Variants in TIMM21 observed in about 807,000 individuals in gnomAD.
The protein encoded by TIMM21 is translocase of inner mitochondrial membrane 21.
TIMM21 carries 30 observed loss-of-function variants against 27.7 expected under a neutral mutation model. That is an observed-to-expected ratio of 1.08 (90% CI 0.81 to 1.47). The LOEUF (loss-of-function observed/expected upper bound fraction) is 1.47, where lower values mean the gene tolerates loss of function less well. Ranked by LOEUF, TIMM21 falls within the 40% of genes most tolerant of loss-of-function variation. TIMM21 has a pLI of 0.00. For synonymous variants in TIMM21, 121 were observed against 114.4 expected (o/e 1.06, Z -0.37); for missense variants, 292 against 302.9 (o/e 0.96, Z 0.27).
chr18:74,157,335 A>G (rs1268717789), intron 3 of TIMM21: 1 of 152,224 alleles, frequency 6.6e-6, no homozygotes, highest in Admixed American at 6.5e-5. Flanking sequence ...TTCATTAAAA[A>G]TGTTCATACA....
chr18:74,155,432 C>T, intron 3 of TIMM21, 29 bp downstream of exon 3: 1 of 1,564,134 alleles, frequency 6.4e-7, no homozygotes, highest in Non-Finnish European at 8.7e-7. Context: ...GTTACATGAA[C>T]TCTGATGAGG....
Position 74,158,365 on chromosome 18 carries a change from A to T in TIMM21, c.643-11A>T, listed in dbSNP as rs1191742268. ...GGAAAATAATACCTGGAAACACTAC[A>T]TTTTTTTCAGAACCCAGGAAGTGGT... On this transcript the variant is annotated splice_polypyrimidine_tract_variant and intron_variant, in intron 5 of 5. Coordinates refer to ENST00000169551, the MANE Select transcript of TIMM21 (RefSeq NM_014177.3). 3 of 1,606,382 alleles carry T rather than the reference A, an allele frequency of 1.9e-6. No individual in the cohort carries two copies. Among genetic ancestry groups the T allele is most frequent in the Non-Finnish European group, 2.6e-6 (3 of 1,175,132 alleles).
rs142144058 is a variant in TIMM21, at chr18:74,150,106, A to G, written c.301+997A>G. Among the ~76,000 whole-genome samples, 689 of 152,316 alleles carry G rather than the reference A, an allele frequency of 4.5e-3. 7 individuals are homozygous for G. Among genetic ancestry groups the G allele is most frequent in the Middle Eastern group, 0.031 (9 of 294 alleles). On this transcript the variant is annotated intron_variant, in intron 1 of 5. Coordinates refer to ENST00000169551, the MANE Select transcript of TIMM21 (RefSeq NM_014177.3). ...CAGTGTAGCCCCACGAGGTCGGCTC[A>G]TGTGTTGATGAGCCTCTGCATCTTT...
In TIMM21 at chr18:74,158,191, A is replaced by G. The variant is rs752258836; in HGVS notation, c.557A>G (p.Asp186Gly). Reference sequence around the variant, plus strand: ...GACAGGTTCACTGAATATGTAAAAGATGGGCTGAAACACACGTGTGTGAAA... The same window carrying G: ...GACAGGTTCACTGAATATGTAAAAGGTGGGCTGAAACACACGTGTGTGAAA... The part of the protein sequence containing the change: ...QHVRFTEYVK[D>G]GLKHTCVKFY... Residue 186 changes from aspartate to glycine, a missense_variant, in exon 5 of 6, where the codon GAT becomes GGT. Physicochemically the swap from Asp to Gly is moderately conservative, Grantham distance 94. Transcript: ENST00000169551. The G allele has an allele frequency of 6.2e-7, 1 of 1,614,170 alleles. No homozygotes were observed. The highest frequency in any genetic ancestry group is 8.5e-7 in the Non-Finnish European group (1 of 1,180,032).
rs1980071179 is a variant in TIMM21, at chr18:74,160,480, T to G, written c.*2000T>G. On this transcript the variant is annotated 3_prime_UTR_variant, in exon 6 of 6. Coordinates refer to ENST00000169551, the MANE Select transcript of TIMM21 (RefSeq NM_014177.3). ...AGATCTCTGTTTTCATTCCCTCTGA[T>G]GTACCCTACTAAATGTTAAAATTTC... 1 of 152,242 alleles carries G rather than the reference T, an allele frequency of 6.6e-6. No individual in the cohort carries two copies. The highest frequency in any genetic ancestry group is 2.4e-5 in the African/African-American group (1 of 41,466). The allele number at this position is 152,242 out of a possible 1,614,324, so 9.4% of individuals were successfully genotyped here. A position where few individuals can be genotyped will look rare whatever the true frequency, so the allele number is the denominator to read the frequency against.
chr18:74,157,581 A>G (rs1979983428), intron 3 of TIMM21: 1 of 155,586 alleles, frequency 6.4e-6, no homozygotes, highest in African/African-American at 2.4e-5. Flanking sequence ...TGGAGTGGTC[A>G]TTTTTTTATT....
intron 1 of TIMM21, among the ~76,000 whole-genome samples, chr18:74,151,625 C>A (rs1259101659): frequency 6.6e-6 from 1 of 152,140 alleles, no homozygotes; most frequent in Non-Finnish European, 1.5e-5. Flanking sequence ...TCCTCCTGTC[C>A]CTCCTAAGAA....
intron 1 of TIMM21, among the ~76,000 whole-genome samples, chr18:74,153,695 C>A (rs1163443670): frequency 6.6e-6 from 1 of 152,202 alleles, no homozygotes. Flanking sequence ...GGGAACCTTG[C>A]TGAAAACTTG....
chr18:74,156,086 A>G (rs977592768), intron 3 of TIMM21, among the ~76,000 whole-genome samples: 16 of 152,318 alleles, frequency 1.1e-4, no homozygotes, highest in African/African-American at 3.1e-4. Context: ...CCTTCCAGTC[A>G]CACGTAGCCG....
In TIMM21 at chr18:74,151,015, A is replaced by T. The variant is rs908637700; in HGVS notation, c.301+1906A>T. On this transcript the variant is annotated intron_variant, in intron 1 of 5. Transcript: ENST00000169551. ...TACTCAGTACATCCCCTTGATTTAT[A>T]CATTTGGAAATCACAGAAATTATTG... Among the ~76,000 whole-genome samples the T allele has an allele frequency of 3.3e-5, 5 of 152,302 alleles. No individual in the cohort carries two copies. In the South Asian group the frequency reaches 1.0e-3, roughly 32 times the overall value.
chr18:74,158,572 A>T lies in TIMM21; in HGVS notation c.*92A>T, dbSNP rs555560782. The T allele has an allele frequency of 2.6e-6, 2 of 779,848 alleles. No individual in the cohort carries two copies. The highest frequency in any genetic ancestry group is 1.6e-5 in the South Asian group (1 of 63,842). 48.3% of individuals were successfully genotyped at this position (779,848 alleles called of 1,614,324 possible). A position where few individuals can be genotyped will look rare whatever the true frequency, so the allele number is the denominator to read the frequency against. ...GAATGTGTTCAAAAGAAAGACAAGAAGGAGTGTATGGCTTATAAAGTGAAT... is the reference window on the plus strand; with the variant it reads ...GAATGTGTTCAAAAGAAAGACAAGATGGAGTGTATGGCTTATAAAGTGAAT... On this transcript the variant is annotated 3_prime_UTR_variant, in exon 6 of 6. Transcript: ENST00000169551.
chr18:74,150,124 G>C lies in TIMM21; in HGVS notation c.301+1015G>C, dbSNP rs962510608. Among the ~76,000 whole-genome samples the C allele has an allele frequency of 1.3e-5, 2 of 152,298 alleles. 1 individual carries two copies. The highest frequency in any genetic ancestry group is 6.8e-3 in the Middle Eastern group (2 of 294). Reference sequence around the variant, plus strand: ...TCGGCTCATGTGTTGATGAGCCTCTGCATCTTTGTTGGACCCACCTCTCAC... The same window carrying C: ...TCGGCTCATGTGTTGATGAGCCTCTCCATCTTTGTTGGACCCACCTCTCAC... On this transcript the variant is annotated intron_variant, in intron 1 of 5. Transcript: ENST00000169551.
intron 1 of TIMM21, among the ~76,000 whole-genome samples, chr18:74,153,490 A>G (rs550052611): frequency 2.0e-5 from 3 of 152,248 alleles, no homozygotes; most frequent in African/African-American, 4.8e-5. Flanking sequence ...GAGTTGATAC[A>G]TAACTGGCAG....
chr18:74,158,325 T>TTTAAG, intron 5 of TIMM21, 49 bp downstream of exon 5: 1 of 1,610,206 alleles, frequency 6.2e-7, no homozygotes, highest in Non-Finnish European at 8.5e-7. Context: ...CGCGGTGTTA[T>TTTAAG]TTAAGTTCTG....
At position 74,159,230 on chromosome 18, in the gene TIMM21, A is replaced by G. The variant is rs1420173973; in HGVS notation, c.*750A>G. 6.6e-6 allele frequency: 1 copy of G among 151,868 alleles called. No homozygotes were observed. The highest frequency in any genetic ancestry group is 6.6e-5 in the Admixed American group (1 of 15,212). The allele number at this position is 151,868 out of a possible 1,614,324, so 9.4% of individuals were successfully genotyped here. A position where few individuals can be genotyped will look rare whatever the true frequency, so the allele number is the denominator to read the frequency against. On this transcript the variant is annotated 3_prime_UTR_variant, in exon 6 of 6. Coordinates refer to ENST00000169551, the MANE Select transcript of TIMM21 (RefSeq NM_014177.3). The stretch of plus-strand genomic sequence containing the variant: ...ACTGATACTTCTGACTGCCAAAAGA[A>G]CATGGGAGTGAATGAGAGACATTCA...
At position 74,155,226 on chromosome 18, in the gene TIMM21, T is replaced by C. The variant is rs544136857; in HGVS notation, c.364+19T>C. The C allele has an allele frequency of 1.9e-6, 3 of 1,614,012 alleles. No homozygotes were observed. The East Asian group carries it at 6.7e-5, about 36-fold the overall frequency. ...ATTACAGGTTGCAAAAAACAGCAAGTATAAGCCCTTGAATATTTTTTAAAC... is the reference window on the plus strand; with the variant it reads ...ATTACAGGTTGCAAAAAACAGCAAGCATAAGCCCTTGAATATTTTTTAAAC... On this transcript the variant is annotated intron_variant, in intron 2 of 5. Coordinates refer to ENST00000169551, the MANE Select transcript of TIMM21 (RefSeq NM_014177.3).
intron 1 of TIMM21, among the ~76,000 whole-genome samples, chr18:74,150,676 C>T (rs1395656883): frequency 1.3e-5 from 2 of 152,154 alleles, no homozygotes; most frequent in Admixed American, 1.3e-4. Context: ...TGTAAAGTTA[C>T]CATTTGTGGT....
intron 5 of TIMM21, 39 bp downstream of exon 5, chr18:74,158,315 C>A: frequency 6.2e-7 from 1 of 1,610,384 alleles, no homozygotes; most frequent in Non-Finnish European, 8.5e-7. Context: ...AGGTTCTGAG[C>A]GCGGTGTTAT....
At position 74,159,589 on chromosome 18, in the gene TIMM21, T is replaced by A. The variant is rs1223892414; in HGVS notation, c.*1109T>A. The A allele has an allele frequency of 6.6e-6, 1 of 152,178 alleles. No individual in the cohort carries two copies. Among genetic ancestry groups the A allele is most frequent in the Non-Finnish European group, 1.5e-5 (1 of 68,026 alleles). 9.4% of individuals were successfully genotyped at this position (152,178 alleles called of 1,614,324 possible). On this transcript the variant is annotated 3_prime_UTR_variant, in exon 6 of 6. Coordinates refer to ENST00000169551, the MANE Select transcript of TIMM21 (RefSeq NM_014177.3). ...CTTTTTACTTTATCTCCCTGCTTAA[T>A]TTAGTTAGTTTCTTGGTTTGACTGC...
Sources: allele counts gnomAD v4.1 joint callset (sites outside exome capture counted in the v4.1 genomes callset), GRCh38; gene constraint gnomAD v4.1.1; transcripts MANE v1.5; gene names NCBI Gene and HGNC (gene_info 2026-07-23, HGNC 2026-07-21).